MAP3K7CL: variants seen among roughly 807,000 people sequenced by gnomAD.
The protein encoded by MAP3K7CL is MAP3K7 C-terminal-like protein.
MAP3K7CL carries 16 observed loss-of-function variants against 18.6 expected under a neutral mutation model. That is an observed-to-expected ratio of 0.86 (90% CI 0.58 to 1.31). MAP3K7CL has a LOEUF of 1.31. Among genes scored for constraint, MAP3K7CL ranks in the 50% most tolerant of loss-of-function variants. MAP3K7CL has a pLI of 0.00. For missense variants in MAP3K7CL, 163 were observed against 174.4 expected (o/e 0.93, Z 0.37); for synonymous variants, 65 against 66.8 (o/e 0.97, Z 0.13).
At chr21:29,141,274 G>A (rs1156549200) in intron 2 of MAP3K7CL, among the ~76,000 whole-genome samples, 1 of 152,144 alleles carries the variant, frequency 6.6e-6, no homozygotes, top group African/African-American at 2.4e-5. Context: ...CCAGCGCTTT[G>A]GGAGGCAGAG....
chr21:29,135,360 C>T (rs1244801962), intron 2 of MAP3K7CL, among the ~76,000 whole-genome samples: 1 of 152,140 alleles, frequency 6.6e-6, no homozygotes, highest in African/African-American at 2.4e-5. Flanking sequence ...ACCCAAAATC[C>T]AGAGGGAAGG....
At chr21:29,085,021 A>AT (rs745787218), upstream of MAP3K7CL, 5 of 152,246 alleles carry the variant, frequency 3.3e-5, no homozygotes, top group Non-Finnish European at 5.9e-5. Flanking sequence ...GGAAAAAAAA[A>AT]GTCAGCAAGG....
At chr21:29,090,674 C>T (rs2086010163) in intron 1 of MAP3K7CL, among the ~76,000 whole-genome samples, 2 of 152,034 alleles carry the variant, frequency 1.3e-5, no homozygotes, top group Non-Finnish European at 2.9e-5. Context: ...CCACCGCGCC[C>T]GGCAGCTTCT....
At chr21:29,107,292 G>A (rs2086340551) in intron 4 of MAP3K7CL, among the ~76,000 whole-genome samples, 1 of 152,072 alleles carries the variant, frequency 6.6e-6, no homozygotes, top group African/African-American at 2.4e-5. Context: ...TCTAGCCTGG[G>A]CAACAGAGCG....
At chr21:29,116,084 A>G (rs2086500770) in intron 4 of MAP3K7CL, among the ~76,000 whole-genome samples, 1 of 152,172 alleles carries the variant, frequency 6.6e-6, no homozygotes, top group African/African-American at 2.4e-5. Flanking sequence ...TTGAATCAGC[A>G]TTTTTGAATG....
chr21:29,173,706 T>C (rs2123260668), intron 4 of MAP3K7CL, among the ~76,000 whole-genome samples: 1 of 152,338 alleles, frequency 6.6e-6, no homozygotes, highest in East Asian at 1.9e-4. Flanking sequence ...AGCTCATTAT[T>C]TCTTTCCTTT....
chr21:29,174,575 T>G, intron 4 of MAP3K7CL, 137 bp from the exon 5 acceptor site: 2 of 1,053,460 alleles, frequency 1.9e-6, no homozygotes, highest in South Asian at 3.4e-5. Flanking sequence ...ATAAAAGTCA[T>G]TGGAGGCAAG....
chr21:29,164,030 G>A (rs1403917124), intron 4 of MAP3K7CL, among the ~76,000 whole-genome samples: 1 of 151,656 alleles, frequency 6.6e-6, no homozygotes, highest in African/African-American at 2.4e-5. Context: ...AACTCGGGAG[G>A]TGGAGGTTGC....
At chr21:29,087,308 A>G (rs1568926715) in intron 1 of MAP3K7CL, among the ~76,000 whole-genome samples, 1 of 152,188 alleles carries the variant, frequency 6.6e-6, no homozygotes, top group Non-Finnish European at 1.5e-5. Context: ...CTAAAAGCTA[A>G]TACTCCCTAA....
chr21:29,122,293 TG>T (rs1250490887), intron 4 of MAP3K7CL: 7 of 152,096 alleles, frequency 4.6e-5, no homozygotes, highest in Non-Finnish European at 1.0e-4. Context: ...TGACAGCATC[TG>T]GGGGGGTACC....
At position 29,154,033 on chromosome 21, in the gene MAP3K7CL, G is replaced by A. The variant is rs189766378; in HGVS notation, c.132+4783G>A. Among the ~76,000 whole-genome samples, 286 of 152,276 alleles carry A rather than the reference G, an allele frequency of 1.9e-3. 4 individuals are homozygous for A. The highest frequency in any genetic ancestry group is 6.7e-3 in the African/African-American group (279 of 41,532). ...GACCAAGGCATGGGCATTAGCATTG[G>A]GTTGGCCTGGATTTGGATCTCAGCT... is the stretch of plus-strand genomic sequence containing the variant. On this transcript the variant is annotated intron_variant, in intron 3 of 4. Coordinates refer to ENST00000399928, the MANE Select transcript of MAP3K7CL (RefSeq NM_001286620.2).
intron 4 of MAP3K7CL, among the ~76,000 whole-genome samples, chr21:29,115,507 A>T (rs574705542): frequency 7.9e-5 from 12 of 152,350 alleles, no homozygotes; most frequent in Non-Finnish European, 1.6e-4. Flanking sequence ...GCAGGGGGCC[A>T]GAGTGGTCAC....
intron 1 of MAP3K7CL, 76 bp from the exon 2 acceptor site, chr21:29,133,230 T>C: frequency 9.3e-7 from 1 of 1,076,400 alleles, no homozygotes; most frequent in Non-Finnish European, 1.3e-6. Context: ...ACTTCACCTG[T>C]AATTTCCAAG....
chr21:29,087,162 C>T (rs2085939028), intron 1 of MAP3K7CL, among the ~76,000 whole-genome samples: 2 of 152,270 alleles, frequency 1.3e-5, no homozygotes, highest in South Asian at 2.1e-4. Flanking sequence ...CCTCTCTTCT[C>T]CCAGACCTTA....
intron 2 of MAP3K7CL, chr21:29,145,456 A>T (rs1034125): frequency 1 from 152,338 of 152,338 alleles, 76,169 homozygotes; most frequent in Non-Finnish European, 1. Context: ...GCTGTGCTAC[A>T]AGTCAGCATG....
chr21:29,142,633 C>T (rs2087034627), intron 2 of MAP3K7CL, among the ~76,000 whole-genome samples: 2 of 152,216 alleles, frequency 1.3e-5, no homozygotes, highest in South Asian at 2.1e-4. Flanking sequence ...CCTGTCTCCA[C>T]ATTACTCCTT....
chr21:29,107,731 A>C (rs2086349224), intron 4 of MAP3K7CL, among the ~76,000 whole-genome samples: 1 of 152,236 alleles, frequency 6.6e-6, no homozygotes, highest in Admixed American at 6.5e-5. Flanking sequence ...TTGAACTGCT[A>C]CATTAATCAA....
upstream of MAP3K7CL, among the ~76,000 whole-genome samples, chr21:29,128,387 C>T (rs1311540240): frequency 1.3e-5 from 2 of 151,798 alleles, no homozygotes; most frequent in East Asian, 3.9e-4. Context: ...ACTGCAAGCT[C>T]CGCCTCCTGG....
At chr21:29,092,787 G>C (rs1234481831) in intron 4 of MAP3K7CL, among the ~76,000 whole-genome samples, 1 of 152,244 alleles carries the variant, frequency 6.6e-6, no homozygotes, top group African/African-American at 2.4e-5. Context: ...TCACCAGGCA[G>C]GGGCTGCAGT....
Sources: allele counts gnomAD v4.1 joint callset (sites outside exome capture counted in the v4.1 genomes callset), GRCh38; gene constraint gnomAD v4.1.1; transcripts MANE v1.5; gene names NCBI Gene and HGNC (gene_info 2026-07-23, HGNC 2026-07-21).